Variants in ALMS1 observed in about 807,000 individuals in gnomAD.
ALMS1 encodes the protein centrosome-associated protein ALMS1.
Under a neutral mutation model 352.2 loss-of-function variants are expected in ALMS1, and 271 were observed. The observed-to-expected ratio is 0.77, with a 90% CI of 0.70 to 0.85. ALMS1 has a LOEUF of 0.85. Among genes scored for constraint, ALMS1 ranks in the 40% least tolerant of loss-of-function variants. The pLI is 0.00. For synonymous variants in ALMS1, 1,865 were observed against 1,761.2 expected, an observed-to-expected ratio of 1.06 and a Z score of -1.48; for missense variants, 5,445 against 4,870.7, an observed-to-expected ratio of 1.12 and a Z score of -3.51.
intron 13 of ALMS1, among the ~76,000 whole-genome samples, chr2:73,554,350 A>G (rs969331278): frequency 6.6e-6 from 1 of 152,082 alleles, no homozygotes; most frequent in African/African-American, 2.4e-5. Context: ...TATTCAGGAA[A>G]AATTACAGGA....
At chr2:73,558,951 G>T in intron 14 of ALMS1, 21 bp from the exon 15 acceptor site, 1 of 1,613,384 alleles carries the variant, frequency 6.2e-7, no homozygotes, top group Non-Finnish European at 8.5e-7. Context: ...TCTGTATAGT[G>T]TGTTAATTTC....
At chr2:73,456,388 C>A (rs79370894) in intron 9 of ALMS1, among the ~76,000 whole-genome samples, 20,046 of 152,068 alleles carry the variant, frequency 0.13, 1,522 homozygotes, top group Admixed American at 0.18. Flanking sequence ...ATTCTTTCTC[C>A]TGTGGATAAG....
intron 9 of ALMS1, among the ~76,000 whole-genome samples, chr2:73,488,981 A>AT (rs1431783367): frequency 1.3e-5 from 2 of 152,124 alleles, no homozygotes; most frequent in East Asian, 3.9e-4. Flanking sequence ...ATAGAATTTT[A>AT]TTTTTTCACG....
At chr2:73,476,495 C>T (rs562577245) in intron 9 of ALMS1, among the ~76,000 whole-genome samples, 2 of 152,182 alleles carry the variant, frequency 1.3e-5, no homozygotes, top group East Asian at 3.9e-4. Context: ...ATAAGGGCTA[C>T]ACTGTTTACA....
Position 73,453,838 on chromosome 2 carries a change from A to G in ALMS1, c.7311A>G (p.Glu2437=). Residue 2437 remains glutamate, a synonymous_variant, in exon 8 of 23, where the codon GAA becomes GAG. Transcript: ENST00000613296. ...ACAGTAATTTACCAGAGTCTTTGGAATCAGTTTCTGATGTTCTTCTAAACT... is the reference window on the plus strand; with the variant it reads ...ACAGTAATTTACCAGAGTCTTTGGAGTCAGTTTCTGATGTTCTTCTAAACT... ...SWDSNLPESL[E]SVSDVLLNFF... is the part of the protein sequence containing the mutation. The G allele has an allele frequency of 6.2e-7, 1 of 1,614,110 alleles. No homozygotes were observed. Among genetic ancestry groups the G allele is most frequent in the Non-Finnish European group, 8.5e-7 (1 of 1,179,996 alleles).
intron 7 of ALMS1, among the ~76,000 whole-genome samples, chr2:73,434,615 C>G (rs1383177716): frequency 2.0e-5 from 3 of 152,084 alleles, no homozygotes; most frequent in Non-Finnish European, 4.4e-5. Flanking sequence ...TTTAGCTGTT[C>G]AAATTTTCTG....
In ALMS1 at chr2:73,452,821, A is replaced by G; in HGVS notation, c.6294A>G (p.Arg2098=). 7 of 1,613,846 alleles carry G rather than the reference A, an allele frequency of 4.3e-6. No homozygotes were observed. Among genetic ancestry groups the G allele is most frequent in the South Asian group, 1.1e-5 (1 of 91,080 alleles). ...PVSLSSSYFH[R]EKSNIFSPQE... ...CTCTCTCTAGTTCTTATTTTCACAG[A>G]GAGAAATCGAATATTTTCAGTCCAC... The change falls in exon 8 of 23, where the codon AGA becomes AGG. Residue 2098 remains arginine, a synonymous_variant. Transcript: ENST00000613296.
At chr2:73,442,481 T>G (rs1671738464) in intron 7 of ALMS1, among the ~76,000 whole-genome samples, 1 of 152,160 alleles carries the variant, frequency 6.6e-6, no homozygotes, top group Admixed American at 6.5e-5. Flanking sequence ...TTAAATGCCT[T>G]TATAACCTTA....
At chr2:73,442,276 A>G (rs1214617482) in intron 7 of ALMS1, among the ~76,000 whole-genome samples, 6 of 152,140 alleles carry the variant, frequency 3.9e-5, no homozygotes, top group African/African-American at 7.2e-5. Context: ...AGGTATGCAC[A>G]ATATGTTCTT....
intron 20 of ALMS1, among the ~76,000 whole-genome samples, chr2:73,602,814 G>A (rs1253841417): frequency 6.6e-6 from 1 of 152,154 alleles, no homozygotes; most frequent in Non-Finnish European, 1.5e-5. Flanking sequence ...TGAGAAAACT[G>A]AATCAAAGGG....
intron 9 of ALMS1, among the ~76,000 whole-genome samples, chr2:73,486,431 A>T (rs1224514934): frequency 6.6e-6 from 1 of 152,072 alleles, no homozygotes; most frequent in Non-Finnish European, 1.5e-5. Flanking sequence ...TTTTTCTGTG[A>T]TGGTTGGCTG....
intron 9 of ALMS1, among the ~76,000 whole-genome samples, chr2:73,477,961 A>T (rs1246096): frequency 0.87 from 132,314 of 152,150 alleles, 57,616 homozygotes; most frequent in Admixed American, 0.92. Flanking sequence ...TTTAATTTCT[A>T]ACCTGGTTGC....
intron 12 of ALMS1, among the ~76,000 whole-genome samples, chr2:73,546,502 G>A (rs1674323390): frequency 1.3e-5 from 2 of 152,290 alleles, no homozygotes; most frequent in South Asian, 4.1e-4. Flanking sequence ...AACTATAATG[G>A]AGTTTATGTT....
chr2:73,546,994 G>A (rs866130911), intron 12 of ALMS1, among the ~76,000 whole-genome samples: 7 of 152,086 alleles, frequency 4.6e-5, no homozygotes, highest in Non-Finnish European at 7.4e-5. Context: ...CAGTGGTTCC[G>A]TTGAACTATT....
At position 73,491,027 on chromosome 2, in the gene ALMS1, C is replaced by T. The variant is rs768037558; in HGVS notation, c.9068C>T (p.Ser3023Leu). Residue 3023 changes from serine to leucine, a missense_variant, in exon 10 of 23, where the codon TCA becomes TTA. Coordinates refer to ENST00000613296, the MANE Select transcript of ALMS1 (RefSeq NM_001378454.1). ...AAGTTCAATACTGTGGTCTCCCAGT[C>T]AGCCCCAAATCACTGTACATTAGCA... is the stretch of plus-strand genomic sequence containing the variant. ...EAKFNTVVSQ[S>L]APNHCTLAAS... 1 of 1,614,202 alleles carries T rather than the reference C, an allele frequency of 6.2e-7. No homozygotes were observed. The highest frequency in any genetic ancestry group is 1.1e-5 in the South Asian group (1 of 91,076).
chr2:73,501,158 A>G (rs1259099078), intron 10 of ALMS1, among the ~76,000 whole-genome samples: 2 of 152,076 alleles, frequency 1.3e-5, no homozygotes, highest in Admixed American at 6.6e-5. Context: ...GTATCTGTTC[A>G]CTTTTATCCA....
chr2:73,393,619 A>G (rs913747339), intron 1 of ALMS1, among the ~76,000 whole-genome samples: 1 of 151,912 alleles, frequency 6.6e-6, no homozygotes, highest in Non-Finnish European at 1.5e-5. Context: ...TTCCACATGT[A>G]CTTGTTGTTT....
intron 9 of ALMS1, 30 bp downstream of exon 9, chr2:73,455,325 T>C: frequency 1.2e-6 from 2 of 1,612,434 alleles, no homozygotes; most frequent in Non-Finnish European, 1.7e-6. Flanking sequence ...ATGAAGAAAG[T>C]AAATATGAAA....
At chr2:73,394,647 G>C (rs895169620) in intron 1 of ALMS1, among the ~76,000 whole-genome samples, 1 of 152,160 alleles carries the variant, frequency 6.6e-6, no homozygotes. Flanking sequence ...ACCGTGCCTG[G>C]CCTAATCATC....
Sources: allele counts gnomAD v4.1 joint callset (sites outside exome capture counted in the v4.1 genomes callset), GRCh38; gene constraint gnomAD v4.1.1; transcripts MANE v1.5; gene names NCBI Gene and HGNC (gene_info 2026-07-23, HGNC 2026-07-21).